Variants in SORCS1 observed in about 807,000 individuals in gnomAD.
SORCS1 encodes the protein VPS10 domain-containing receptor SorCS1.
A neutral mutation model predicts 146.1 loss-of-function variants in SORCS1; 60 were observed. The ratio of observed to expected loss-of-function variants is 0.41; its 90% CI spans 0.33 to 0.51. SORCS1 has a LOEUF of 0.51. Among genes scored for constraint, SORCS1 ranks in the 20% least tolerant of loss-of-function variants. SORCS1 has a pLI of 0.21. For synonymous variants in SORCS1, 637 were observed against 584.0 expected, an observed-to-expected ratio of 1.09 and a Z score of -1.31; for missense variants, 1,352 against 1,487.6, an observed-to-expected ratio of 0.91 and a Z score of 1.50.
In SORCS1 at chr10:106,871,599, A is replaced by C. The variant is rs77620997; in HGVS notation, c.627-41926T>G. Among the ~76,000 whole-genome samples the C allele has an allele frequency of 1.6e-3, 247 of 152,342 alleles. 1 individual carries two copies. Among genetic ancestry groups the C allele is most frequent in the African/African-American group, 5.1e-3 (212 of 41,580 alleles). On this transcript the variant is annotated intron_variant, in intron 2 of 25. Transcript: ENST00000263054. ...AGATCATGTCTTTTAGGGGAACATG[A>C]ATAGAGATGGAGGCTATCATTCTTA...
At chr10:106,810,091 C>T (rs1455876622) in intron 3 of SORCS1, among the ~76,000 whole-genome samples, 2 of 152,198 alleles carry the variant, frequency 1.3e-5, no homozygotes, top group South Asian at 4.1e-4. Context: ...TGTCGTGGCA[C>T]GCGCCTGTAG....
chr10:107,088,004 C>T (rs1029621781), intron 1 of SORCS1, among the ~76,000 whole-genome samples: 11 of 152,284 alleles, frequency 7.2e-5, no homozygotes, highest in African/African-American at 1.7e-4. Context: ...CGGCAAGCTC[C>T]GCCTCCCGGG....
chr10:106,790,544 C>G (rs1725541111), intron 3 of SORCS1, among the ~76,000 whole-genome samples: 1 of 152,184 alleles, frequency 6.6e-6, no homozygotes, highest in Admixed American at 6.5e-5. Context: ...ATGTGGTAAT[C>G]TGGTGAGTTT....
intron 5 of SORCS1, among the ~76,000 whole-genome samples, chr10:106,730,543 C>G (rs2136013331): frequency 6.6e-6 from 1 of 152,288 alleles, no homozygotes; most frequent in East Asian, 1.9e-4. Context: ...TGCCAAACCA[C>G]CTACGACTGC....
chr10:106,702,364 C>T (rs568029088), intron 8 of SORCS1, among the ~76,000 whole-genome samples: 2 of 152,222 alleles, frequency 1.3e-5, no homozygotes, highest in Non-Finnish European at 2.9e-5. Flanking sequence ...ATAGCTAATT[C>T]CCACTTCTGT....
At chr10:106,664,875 G>C (rs1851011328) in intron 17 of SORCS1, among the ~76,000 whole-genome samples, 1 of 151,900 alleles carries the variant, frequency 6.6e-6, no homozygotes, top group Non-Finnish European at 1.5e-5. Context: ...GCCCTTTACA[G>C]TATCTAAACA....
intron 13 of SORCS1, among the ~76,000 whole-genome samples, chr10:106,676,192 C>T (rs1852011096): frequency 6.6e-6 from 1 of 152,134 alleles, no homozygotes; most frequent in Non-Finnish European, 1.5e-5. Context: ...GAAAACCAGG[C>T]TTTTGATTTT....
At chr10:106,646,648 G>A (rs1849457903) in intron 18 of SORCS1, among the ~76,000 whole-genome samples, 1 of 152,058 alleles carries the variant, frequency 6.6e-6, no homozygotes, top group African/African-American at 2.4e-5. Context: ...GTTGAGCTGA[G>A]ATCTTGCCAC....
intron 1 of SORCS1, among the ~76,000 whole-genome samples, chr10:107,085,630 T>C (rs981533013): frequency 6.6e-6 from 1 of 152,150 alleles, no homozygotes; most frequent in Non-Finnish European, 1.5e-5. Flanking sequence ...TTGAAGAGAA[T>C]TGGATAAGTG....
At chr10:107,069,257 G>A (rs573931531) in intron 1 of SORCS1, among the ~76,000 whole-genome samples, 49 of 152,160 alleles carry the variant, frequency 3.2e-4, no homozygotes, top group African/African-American at 1.1e-3. Flanking sequence ...TGACATCTAC[G>A]TTTACCATAT....
In SORCS1 at chr10:106,702,843, T is replaced by C. The variant is rs369903967; in HGVS notation, c.1234-3450A>G. Among the ~76,000 whole-genome samples the C allele has an allele frequency of 9.2e-5, 14 of 152,304 alleles. No individual in the cohort carries two copies. In the South Asian group the frequency reaches 1.7e-3, roughly 18 times the overall value. On this transcript the variant is annotated intron_variant, in intron 8 of 25. Coordinates refer to ENST00000263054, the MANE Select transcript of SORCS1 (RefSeq NM_052918.5). The stretch of plus-strand genomic sequence containing the variant: ...AGAATTTGAGAGCAAGGTGTGATCT[T>C]ACAGATTTTGTATTGAAGCATTTTC...
rs1848982279 is a variant in SORCS1, at chr10:106,640,178, A to C, written c.2476-10790T>G. Reference sequence around the variant, plus strand: ...AAGTGAGTATCTTGAAGAAATTTTTATCAACAGCCATCTTCTCTACCATCT... The same window carrying C: ...AAGTGAGTATCTTGAAGAAATTTTTCTCAACAGCCATCTTCTCTACCATCT... On this transcript the variant is annotated intron_variant, in intron 18 of 25. Coordinates refer to ENST00000263054, the MANE Select transcript of SORCS1 (RefSeq NM_052918.5). 2.6e-5 allele frequency among the ~76,000 whole-genome samples: 4 copies of C among 152,230 alleles called. 1 individual carries two copies. In the South Asian group the frequency reaches 8.3e-4, roughly 32 times the overall value.
At chr10:106,877,086 G>A (rs1197498612) in intron 2 of SORCS1, among the ~76,000 whole-genome samples, 1 of 152,104 alleles carries the variant, frequency 6.6e-6, no homozygotes, top group Admixed American at 6.5e-5. Context: ...TTATACCTCT[G>A]AAAACATTTC....
intron 1 of SORCS1, among the ~76,000 whole-genome samples, chr10:107,135,021 TG>T: frequency 6.6e-6 from 1 of 152,368 alleles, no homozygotes; most frequent in Admixed American, 6.5e-5. Flanking sequence ...GGATCTGTCC[TG>T]TCTGAACACA....
chr10:106,878,625 T>C (rs1210600746), intron 2 of SORCS1, among the ~76,000 whole-genome samples: 1 of 127,190 alleles, frequency 7.9e-6, no homozygotes, highest in Non-Finnish European at 1.7e-5. Flanking sequence ...ACCTAGTATA[T>C]ATATATATAT....
intron 1 of SORCS1, among the ~76,000 whole-genome samples, chr10:107,097,074 G>T (rs756927507): frequency 1.3e-5 from 2 of 152,094 alleles, no homozygotes; most frequent in African/African-American, 4.8e-5. Flanking sequence ...AGAAACACAC[G>T]CATTCACTTT....
intron 1 of SORCS1, among the ~76,000 whole-genome samples, chr10:107,020,300 C>T (rs1958075147): frequency 6.6e-6 from 1 of 152,166 alleles, no homozygotes; most frequent in African/African-American, 2.4e-5. Context: ...AGTACAGAAT[C>T]AGAACAAACT....
At chr10:106,790,426 G>T (rs749935112) in intron 3 of SORCS1, among the ~76,000 whole-genome samples, 7 of 152,130 alleles carry the variant, frequency 4.6e-5, no homozygotes, top group African/African-American at 1.4e-4. Flanking sequence ...TGAAACTAGG[G>T]GTTTATATAG....
intron 19 of SORCS1, among the ~76,000 whole-genome samples, chr10:106,628,033 T>C (rs761228148): frequency 6.6e-6 from 1 of 152,230 alleles, no homozygotes; most frequent in African/African-American, 2.4e-5. Context: ...AGAGCCTGTT[T>C]AGCACAAAGT....
Sources: allele counts gnomAD v4.1 joint callset (sites outside exome capture counted in the v4.1 genomes callset), GRCh38; gene constraint gnomAD v4.1.1; transcripts MANE v1.5; gene names NCBI Gene and HGNC (gene_info 2026-07-23, HGNC 2026-07-21).